MAGEC3: variants seen among roughly 807,000 people sequenced by gnomAD.
MAGEC3 encodes the protein MAGE family member C3.
MAGEC3 carries 34 observed loss-of-function variants against 35.3 expected under a neutral mutation model. The ratio of observed to expected loss-of-function variants is 0.96; its 90% CI spans 0.73 to 1.28. The LOEUF (loss-of-function observed/expected upper bound fraction) is 1.28, where lower values mean the gene tolerates loss of function less well. MAGEC3 is among the 50% of genes most tolerant of loss of function. The pLI, the probability that MAGEC3 is intolerant of heterozygous loss-of-function variation, is 0.00. For synonymous variants in MAGEC3, 202 were observed against 185.6 expected (o/e 1.09, Z -0.72); for missense variants, 561 against 483.6 (o/e 1.16, Z -1.50).
In MAGEC3 at chrX:141,889,926, TTTAG is replaced by T. The variant is rs1477183982; in HGVS notation, c.910-5339_910-5336del. Among the ~76,000 whole-genome samples, 4 of 112,999 alleles carry T rather than the reference TTTAG, an allele frequency of 3.5e-5. No homozygotes were observed. In the East Asian group the frequency reaches 1.1e-3, roughly 32 times the overall value. On this transcript the variant is annotated intron_variant, in intron 4 of 7. Transcript: ENST00000298296. ...TCATGAGTATTTTCTCCTTCTTTTCTTTAGTTAAAAACATGTTTGTGCGTGTACA... is the reference window on the plus strand; with the variant it reads ...TCATGAGTATTTTCTCCTTCTTTTCTTTAAAAACATGTTTGTGCGTGTACA...
intron 2 of MAGEC3, among the ~76,000 whole-genome samples, chrX:141,868,421 C>G (rs1202017434): frequency 1.8e-5 from 2 of 111,639 alleles, no homozygotes; most frequent in African/African-American, 6.5e-5. Context: ...AATTTAACAA[C>G]AGGTGAGCTA....
At chrX:141,843,979 C>T (rs1480894617) in intron 1 of MAGEC3, among the ~76,000 whole-genome samples, 1 of 110,674 alleles carries the variant, frequency 9.0e-6, no homozygotes, top group East Asian at 2.8e-4. Context: ...TTTCTCTTCT[C>T]TTTGGAGTGT....
chrX:141,897,093 G>T lies in MAGEC3; in HGVS notation c.1335G>T (p.Leu445Phe), dbSNP rs2018105394. ...AGGATACAGCTACTTGGCATGCCTTGCCAGAAAGTGAATCCTTGCCCAGGT... is the reference window on the plus strand; with the variant it reads ...AGGATACAGCTACTTGGCATGCCTTTCCAGAAAGTGAATCCTTGCCCAGGT... ...EEEDTATWHALPESESLPRYA... is the reference protein window; with the variant it reads ...EEEDTATWHAFPESESLPRYA... Residue 445 changes from leucine (L) to phenylalanine (F), a missense_variant, in exon 7 of 8, where the codon TTG becomes TTT. Leu to Phe is a conservative substitution (Grantham distance 22). Transcript: ENST00000298296. 10 of 1,211,804 alleles carry T rather than the reference G, an allele frequency of 8.3e-6. No individual in the cohort carries two copies. In the East Asian group the frequency reaches 3.0e-4, roughly 36 times the overall value.
At chrX:141,897,568 G>C in intron 7 of MAGEC3, 61 bp from the exon 8 acceptor site, 7 of 1,193,750 alleles carry the variant, frequency 5.9e-6, no homozygotes, top group Non-Finnish European at 6.8e-6. Context: ...AAAGTACCTG[G>C]AGTACCGGGA....
chrX:141,897,385 A>G lies in MAGEC3; in HGVS notation c.1627A>G (p.Met543Val), dbSNP rs1472524518. Reference protein sequence around the residue: ...YEGSLIDDQGMPKNCLLILIL... With the variant: ...YEGSLIDDQGVPKNCLLILIL... ...GGGAAGCCTGATTGATGACCAGGGC[A>G]TGCCCAAGAACTGTCTCCTGATTCT... Residue 543 changes from methionine (M) to valine (V), a missense_variant, in exon 7 of 8, where the codon ATG (methionine) becomes GTG (valine). Met to Val is a conservative substitution (Grantham distance 21). Coordinates refer to ENST00000298296, the MANE Select transcript of MAGEC3 (RefSeq NM_138702.1). The G allele has an allele frequency of 1.7e-6, 2 of 1,210,308 alleles. No homozygotes were observed. Among genetic ancestry groups the G allele is most frequent in the African/African-American group, 3.5e-5 (2 of 57,212 alleles).
At chrX:141,875,549 G>T (rs781413686) in intron 2 of MAGEC3, among the ~76,000 whole-genome samples, 1 of 111,138 alleles carries the variant, frequency 9.0e-6, no homozygotes, top group South Asian at 3.9e-4. Context: ...TGAGTCATTT[G>T]GGGCATGTTT....
chrX:141,887,683 C>G (rs2018012703), intron 4 of MAGEC3, among the ~76,000 whole-genome samples: 1 of 112,143 alleles, frequency 8.9e-6, no homozygotes, highest in African/African-American at 3.2e-5. Flanking sequence ...GGCTCTGCAA[C>G]AGGTCCAGGC....
intron 4 of MAGEC3, among the ~76,000 whole-genome samples, chrX:141,889,342 A>G (rs2018025152): frequency 9.0e-6 from 1 of 110,894 alleles, no homozygotes; most frequent in South Asian, 3.8e-4. Flanking sequence ...ACTCACCATC[A>G]CCCCTAGGGA....
At chrX:141,874,443 C>T (rs1011681890) in intron 2 of MAGEC3, among the ~76,000 whole-genome samples, 1 of 110,252 alleles carries the variant, frequency 9.1e-6, no homozygotes, top group Non-Finnish European at 1.9e-5. Flanking sequence ...AAAAGTTTTG[C>T]AAAAAAAATC....
chrX:141,841,247 T>C (rs888275217), intron 1 of MAGEC3, among the ~76,000 whole-genome samples: 1 of 111,537 alleles, frequency 9.0e-6, no homozygotes, highest in Non-Finnish European at 1.9e-5. Flanking sequence ...AATTATCAAA[T>C]CCAAAGACTC....
intron 2 of MAGEC3, among the ~76,000 whole-genome samples, chrX:141,877,556 T>G (rs2017927803): frequency 8.9e-6 from 1 of 111,780 alleles, no homozygotes; most frequent in Non-Finnish European, 1.9e-5. Context: ...TCACAAACGC[T>G]TTGTTTCCAA....
chrX:141,846,348 G>T (rs1266909862), intron 1 of MAGEC3, among the ~76,000 whole-genome samples: 2 of 109,945 alleles, frequency 1.8e-5, no homozygotes, highest in Non-Finnish European at 3.8e-5. Flanking sequence ...TGGCCTAAGA[G>T]GGGGAGTGGG....
chrX:141,891,853 T>A (rs958167778), intron 4 of MAGEC3, among the ~76,000 whole-genome samples: 2 of 109,538 alleles, frequency 1.8e-5, no homozygotes, highest in African/African-American at 6.6e-5. Context: ...AGTTCTATCT[T>A]GAAATTAAAA....
chrX:141,870,013 G>A (rs1403933416), intron 2 of MAGEC3, among the ~76,000 whole-genome samples: 3 of 111,070 alleles, frequency 2.7e-5, no homozygotes, highest in Non-Finnish European at 3.8e-5. Context: ...AAAGCCAGGG[G>A]TTAGGAAAGA....
rs777360524 is a variant in MAGEC3, at chrX:141,865,706, G to GGTTTCCCC, written c.258+102_258+109dup. Reference sequence around the variant, plus strand: ...TGTTAGCCCTGGGTGGCCCAAGGCAGGTTTCCCCAGTTTTGATGTCCGTAG... The same window carrying GGTTTCCCC: ...TGTTAGCCCTGGGTGGCCCAAGGCAGGTTTCCCCGTTTCCCCAGTTTTGATGTCCGTAG... On this transcript the variant is annotated intron_variant, in intron 2 of 7. Transcript: ENST00000298296. The GGTTTCCCC allele has an allele frequency of 8.8e-5, 82 of 932,019 alleles. No homozygotes were observed. The African/African-American group carries it at 1.4e-3, about 16-fold the overall frequency. 76.8% of individuals were successfully genotyped at this position (932,019 alleles called of 1,213,427 possible). A position where few individuals can be genotyped will look rare whatever the true frequency, so the allele number is the denominator to read the frequency against.
chrX:141,851,757 G>A (rs900541084), intron 1 of MAGEC3, among the ~76,000 whole-genome samples: 7 of 111,077 alleles, frequency 6.3e-5, no homozygotes, highest in Admixed American at 1.9e-4. Context: ...GACCACAAAT[G>A]TGTGAATTTA....
chrX:141,839,864 T>G, intron 1 of MAGEC3: 1 of 472,925 alleles, frequency 2.1e-6, no homozygotes, highest in Non-Finnish European at 2.6e-6. Flanking sequence ...TACTGGTATT[T>G]AATAAGCAGA....
intron 1 of MAGEC3, among the ~76,000 whole-genome samples, chrX:141,864,047 A>G (rs945145128): frequency 8.9e-6 from 1 of 111,855 alleles, no homozygotes; most frequent in East Asian, 2.8e-4. Flanking sequence ...GTGCATGTCA[A>G]TAGTTGATTC....
At chrX:141,858,750 C>T (rs755421843) in intron 1 of MAGEC3, among the ~76,000 whole-genome samples, 1 of 110,403 alleles carries the variant, frequency 9.1e-6, no homozygotes, top group Non-Finnish European at 1.9e-5. Flanking sequence ...TTCTGCTCCC[C>T]ACACATATAT....
Sources: allele counts gnomAD v4.1 joint callset (sites outside exome capture counted in the v4.1 genomes callset), GRCh38; gene constraint gnomAD v4.1.1; transcripts MANE v1.5; gene names NCBI Gene and HGNC (gene_info 2026-07-23, HGNC 2026-07-21).